Variants in DPYD observed in about 807,000 individuals in gnomAD.
DPYD encodes dihydropyrimidine dehydrogenase.
A neutral mutation model predicts 116.2 loss-of-function variants in DPYD; 109 were observed. The ratio of observed to expected loss-of-function variants is 0.94; its 90% CI spans 0.80 to 1.10. The LOEUF (loss-of-function observed/expected upper bound fraction) is 1.10, where lower values mean the gene tolerates loss of function less well. Among genes scored for constraint, DPYD ranks in the 50% least tolerant of loss-of-function variants. DPYD has a pLI of 0.00. For missense variants in DPYD, 1,302 were observed against 1,254.5 expected, an observed-to-expected ratio of 1.04 and a Z score of -0.57; for synonymous variants, 440 against 432.0, an observed-to-expected ratio of 1.02 and a Z score of -0.23.
At chr1:97,414,651 T>G (rs1489574153) in intron 14 of DPYD, among the ~76,000 whole-genome samples, 2 of 152,250 alleles carry the variant, frequency 1.3e-5, no homozygotes, top group Non-Finnish European at 2.9e-5. Context: ...CCCACTTCAT[T>G]TCTTACTGGA....
At chr1:97,920,549 C>A (rs970765513) in intron 1 of DPYD, among the ~76,000 whole-genome samples, 1 of 152,162 alleles carries the variant, frequency 6.6e-6, no homozygotes, top group African/African-American at 2.4e-5. Context: ...CTCCTACCCC[C>A]TAGAGTCCAC....
intron 1 of DPYD, 94 bp from the exon 2 acceptor site, chr1:97,883,468 G>T: frequency 3.1e-6 from 3 of 957,672 alleles, no homozygotes; most frequent in East Asian, 2.7e-5. Context: ...TTTGAGACAC[G>T]GTCTCTCTCA....
At chr1:97,160,887 C>G (rs762564110) in intron 20 of DPYD, among the ~76,000 whole-genome samples, 1 of 152,106 alleles carries the variant, frequency 6.6e-6, no homozygotes, top group Admixed American at 6.6e-5. Flanking sequence ...ACTATTTATT[C>G]TTGAGTTAAT....
intron 20 of DPYD, among the ~76,000 whole-genome samples, chr1:97,116,366 T>C (rs969790045): frequency 1.3e-5 from 2 of 152,064 alleles, no homozygotes; most frequent in Non-Finnish European, 2.9e-5. Flanking sequence ...AGATATAAAC[T>C]ATAGCTGATG....
intron 13 of DPYD, among the ~76,000 whole-genome samples, chr1:97,460,296 A>G (rs746719732): frequency 2.0e-5 from 3 of 152,188 alleles, no homozygotes; most frequent in Middle Eastern, 3.2e-3. Context: ...CACTAACAAA[A>G]TGATGAGCTT....
intron 21 of DPYD, among the ~76,000 whole-genome samples, chr1:97,085,301 A>G (rs1374581171): frequency 2.6e-5 from 4 of 152,230 alleles, no homozygotes; most frequent in Non-Finnish European, 4.4e-5. Context: ...GCCTTCTTCA[A>G]AAGAAACGTT....
At chr1:97,423,425 A>G (rs1247534656) in intron 14 of DPYD, among the ~76,000 whole-genome samples, 1 of 152,060 alleles carries the variant, frequency 6.6e-6, no homozygotes, top group African/African-American at 2.4e-5. Flanking sequence ...CTTCCCTTTC[A>G]GACCTGATAT....
At chr1:97,628,094 T>G (rs1306090975) in intron 8 of DPYD, among the ~76,000 whole-genome samples, 1 of 152,098 alleles carries the variant, frequency 6.6e-6, no homozygotes, top group Non-Finnish European at 1.5e-5. Context: ...ACTGCCTGGA[T>G]GTTGGGGGAA....
At chr1:97,324,434 T>C (rs915901721) in intron 16 of DPYD, among the ~76,000 whole-genome samples, 2 of 152,034 alleles carry the variant, frequency 1.3e-5, no homozygotes, top group Non-Finnish European at 2.9e-5. Context: ...GTCCAATAAA[T>C]TGTGGTCAAG....
chr1:97,633,317 T>A (rs1657379442), intron 8 of DPYD, among the ~76,000 whole-genome samples: 1 of 152,204 alleles, frequency 6.6e-6, no homozygotes, highest in South Asian at 2.1e-4. Context: ...CCCTATAATG[T>A]AAAGGGAACT....
chr1:97,224,559 T>C (rs144930766), intron 19 of DPYD, among the ~76,000 whole-genome samples: 52 of 152,000 alleles, frequency 3.4e-4, no homozygotes, highest in Non-Finnish European at 6.9e-4. Context: ...TAGTATAAAA[T>C]ACAATATTAT....
chr1:97,173,343 T>C (rs529591898), intron 20 of DPYD, among the ~76,000 whole-genome samples: 5 of 150,512 alleles, frequency 3.3e-5, no homozygotes, highest in South Asian at 2.1e-4. Flanking sequence ...TGTGTATATA[T>C]GCACACATAT....
At chr1:97,613,696 T>C (rs1656090504) in intron 8 of DPYD, among the ~76,000 whole-genome samples, 1 of 152,010 alleles carries the variant, frequency 6.6e-6, no homozygotes, top group Non-Finnish European at 1.5e-5. Flanking sequence ...TGAATCCTAA[T>C]GTACAGATTT....
Position 97,883,280 on chromosome 1 carries a change from G to A in DPYD, c.134C>T (p.Pro45Leu). 1 of 1,609,622 alleles carries A rather than the reference G, an allele frequency of 6.2e-7. No individual in the cohort carries two copies. The highest frequency in any genetic ancestry group is 8.5e-7 in the Non-Finnish European group (1 of 1,176,358). ...KLDKKHWKRN[P>L]DKNCFNCEKL... is the part of the protein sequence containing the mutation. ...GGTACTTACAAAGCAGTTCTTATCAGGATTTCTTTTCCAATGTTTCTTGTC... is the reference window on the plus strand; with the variant it reads ...GGTACTTACAAAGCAGTTCTTATCAAGATTTCTTTTCCAATGTTTCTTGTC... The change falls in exon 2 of 23, where the codon CCT becomes CTT. Residue 45 changes from proline to leucine, a missense_variant. Physicochemically the swap from Pro to Leu is moderately conservative, Grantham distance 98. Transcript: ENST00000370192.
In DPYD at chr1:97,573,949, TTTC is replaced by T; in HGVS notation, c.1147_1149del (p.Glu383del). 1 of 1,613,498 alleles carries T rather than the reference TTTC, an allele frequency of 6.2e-7. No homozygotes were observed. The highest frequency in any genetic ancestry group is 8.5e-7 in the Non-Finnish European group (1 of 1,179,570). ...GACAGGAATGGCAGAAATTCACACTTTTCTTCCTTAGCAAGTTCCATCTAAAAC... is the reference window on the plus strand; with the variant it reads ...GACAGGAATGGCAGAAATTCACACTTTTCCTTAGCAAGTTCCATCTAAAAC... On this transcript the variant is annotated inframe_deletion, in exon 11 of 23. Transcript: ENST00000370192.
chr1:97,085,976 A>G (rs1252356495), intron 21 of DPYD, among the ~76,000 whole-genome samples: 1 of 152,222 alleles, frequency 6.6e-6, no homozygotes, highest in East Asian at 1.9e-4. Context: ...GGATGTTGCA[A>G]AGTACTACAG....
chr1:97,836,743 C>A lies in DPYD; in HGVS notation c.151-8547G>T, dbSNP rs377000915. Among the ~76,000 whole-genome samples, 5 of 151,934 alleles carry A rather than the reference C, an allele frequency of 3.3e-5. No homozygotes were observed. In the East Asian group the frequency reaches 9.7e-4, roughly 29 times the overall value. On this transcript the variant is annotated intron_variant, in intron 2 of 22. Coordinates refer to ENST00000370192, the MANE Select transcript of DPYD (RefSeq NM_000110.4). The stretch of plus-strand genomic sequence containing the variant: ...TAAAAATTAACAATCTTTGGTGTAT[C>A]ATGAATTTTAAATGTACATTACAAA...
intron 13 of DPYD, among the ~76,000 whole-genome samples, chr1:97,499,106 T>G (rs1393890463): frequency 1.3e-5 from 2 of 151,720 alleles, no homozygotes; most frequent in African/African-American, 2.4e-5. Context: ...GTTACAGCAC[T>G]GACCTCTATC....
At chr1:97,525,789 A>AGAGAGAGAGAGC (rs1431555133) in intron 12 of DPYD, among the ~76,000 whole-genome samples, 20 of 142,706 alleles carry the variant, frequency 1.4e-4, no homozygotes, top group African/African-American at 5.3e-4. Flanking sequence ...AGAGAGAGAG[A>AGAGAGAGAGAGC]GTGTGTGTGT....
Sources: gnomAD v4.1 joint callset for allele counts (sites outside exome capture counted in the v4.1 genomes callset) on GRCh38, gnomAD v4.1.1 for gene constraint, MANE v1.5 for transcripts, NCBI Gene and HGNC (gene_info 2026-07-23, HGNC 2026-07-21) for gene names.